Variants in CTNNA3 observed in about 807,000 individuals in gnomAD.
CTNNA3 encodes the protein catenin alpha-3.
Under a neutral mutation model 95.7 loss-of-function variants are expected in CTNNA3, and 76 were observed. The ratio of observed to expected loss-of-function variants is 0.79; its 90% CI spans 0.66 to 0.96. The LOEUF is 0.96. Ranked by LOEUF, CTNNA3 falls within the 40% of genes least tolerant of loss-of-function variation. The probability of loss-of-function intolerance (pLI) is 0.00; values close to 1 mark genes in which losing one functional copy is unlikely to be tolerated. For missense variants in CTNNA3, 1,191 were observed against 1,089.8 expected (o/e 1.09, Z -1.31); for synonymous variants, 431 against 374.4 (o/e 1.15, Z -1.74).
At chr10:67,512,962 A>G (rs1168266241) in intron 5 of CTNNA3, among the ~76,000 whole-genome samples, 5 of 152,300 alleles carry the variant, frequency 3.3e-5, no homozygotes, top group Non-Finnish European at 5.9e-5. Context: ...CCAGCCTGGC[A>G]ACAGAGCGAG....
chr10:67,450,505 T>C (rs1846937634), intron 5 of CTNNA3, among the ~76,000 whole-genome samples: 1 of 152,180 alleles, frequency 6.6e-6, no homozygotes, highest in South Asian at 2.1e-4. Flanking sequence ...CTGGAGGCCA[T>C]TATCCTTAGC....
At chr10:67,512,996 T>A (rs1186355954) in intron 5 of CTNNA3, among the ~76,000 whole-genome samples, 1 of 152,134 alleles carries the variant, frequency 6.6e-6, no homozygotes, top group East Asian at 1.9e-4. Context: ...AATAAATAAA[T>A]AAATATTTAA....
rs61868375 is a variant in CTNNA3, at chr10:66,200,092, T to G, written c.1884+80378A>C. Among the ~76,000 whole-genome samples, 906 of 151,626 alleles carry G rather than the reference T, an allele frequency of 6.0e-3. 7 individuals are homozygous for G. The highest frequency in any genetic ancestry group is 0.016 in the South Asian group (78 of 4,800). On this transcript the variant is annotated intron_variant, in intron 13 of 17. Coordinates refer to ENST00000433211, the MANE Select transcript of CTNNA3 (RefSeq NM_013266.4). ...AAAGAAGCACATGTATGTACACACA[T>G]GTATGTATGCACGCATACACACGCA...
chr10:67,488,080 C>G lies in CTNNA3; in HGVS notation c.579+33762G>C, dbSNP rs940451249. Among the ~76,000 whole-genome samples the G allele has an allele frequency of 1.8e-4, 27 of 152,208 alleles. 2 individuals are homozygous for G. The South Asian group carries it at 1.9e-3, about 11-fold the overall frequency. On this transcript the variant is annotated intron_variant, in intron 5 of 17. Coordinates refer to ENST00000433211, the MANE Select transcript of CTNNA3 (RefSeq NM_013266.4). ...GGTAGATGTTAAGAAATCATACATA[C>G]AGAACCTCGTTGAGTTTCGAAATTG... is the stretch of plus-strand genomic sequence containing the variant.
intron 1 of CTNNA3, among the ~76,000 whole-genome samples, chr10:67,721,787 T>G (rs915801500): frequency 1.3e-5 from 2 of 152,224 alleles, no homozygotes; most frequent in Non-Finnish European, 2.9e-5. Context: ...TTCCTCATCT[T>G]CATGGATTTA....
chr10:66,712,781 C>A (rs1848337629), intron 9 of CTNNA3, among the ~76,000 whole-genome samples: 1 of 152,132 alleles, frequency 6.6e-6, no homozygotes, highest in South Asian at 2.1e-4. Flanking sequence ...TACATTTCCT[C>A]TGATACAAAT....
At chr10:66,184,522 T>A (rs899486856) in intron 13 of CTNNA3, among the ~76,000 whole-genome samples, 1 of 152,142 alleles carries the variant, frequency 6.6e-6, no homozygotes, top group African/African-American at 2.4e-5. Context: ...AATAACCAAT[T>A]TTTTTCAGCA....
chr10:67,571,176 C>A (rs1167266345), intron 3 of CTNNA3, among the ~76,000 whole-genome samples: 1 of 152,018 alleles, frequency 6.6e-6, no homozygotes, highest in Admixed American at 6.6e-5. Flanking sequence ...TGAGATAATG[C>A]ACATAAGGCA....
intron 11 of CTNNA3, among the ~76,000 whole-genome samples, chr10:66,482,403 C>T (rs1464131883): frequency 6.6e-6 from 1 of 151,998 alleles, no homozygotes; most frequent in Non-Finnish European, 1.5e-5. Flanking sequence ...AAATAAAATG[C>T]CTCATTTAAT....
chr10:66,662,189 T>G (rs2132445717), intron 9 of CTNNA3, among the ~76,000 whole-genome samples: 1 of 152,282 alleles, frequency 6.6e-6, no homozygotes, highest in South Asian at 2.1e-4. Context: ...GAAAATACAT[T>G]CTACTAAAAT....
At chr10:67,582,804 C>T (rs1200554492) in intron 3 of CTNNA3, among the ~76,000 whole-genome samples, 1 of 152,102 alleles carries the variant, frequency 6.6e-6, no homozygotes, top group African/African-American at 2.4e-5. Context: ...ATCCCTTTAC[C>T]ATTATACAAT....
At chr10:66,100,800 T>A (rs932350088) in intron 14 of CTNNA3, among the ~76,000 whole-genome samples, 4 of 152,196 alleles carry the variant, frequency 2.6e-5, no homozygotes, top group African/African-American at 9.6e-5. Context: ...CCATCGTATA[T>A]AATGTGGAAA....
chr10:66,069,519 C>T (rs768260392), intron 14 of CTNNA3, 30 bp from the exon 15 acceptor site: 5 of 1,538,418 alleles, frequency 3.3e-6, no homozygotes, highest in Non-Finnish European at 4.4e-6. Flanking sequence ...GAGTTAAAAT[C>T]ATTCCACTAT....
intron 7 of CTNNA3, among the ~76,000 whole-genome samples, chr10:66,893,973 A>T (rs1389175524): frequency 1.3e-5 from 2 of 152,150 alleles, no homozygotes; most frequent in Non-Finnish European, 2.9e-5. Context: ...ATGTATTTTT[A>T]AAATTCTCTG....
At chr10:67,055,933 G>A (rs1257985636) in intron 7 of CTNNA3, among the ~76,000 whole-genome samples, 8 of 151,948 alleles carry the variant, frequency 5.3e-5, no homozygotes, top group Non-Finnish European at 1.0e-4. Flanking sequence ...AATATTTTCA[G>A]GTTTTATTTA....
At chr10:66,410,368 T>C (rs2093093306) in intron 11 of CTNNA3, among the ~76,000 whole-genome samples, 1 of 152,184 alleles carries the variant, frequency 6.6e-6, no homozygotes, top group African/African-American at 2.4e-5. Flanking sequence ...CTTTAGTACC[T>C]ACTCAGGCCT....
intron 5 of CTNNA3, among the ~76,000 whole-genome samples, chr10:67,326,096 C>T (rs1006396458): frequency 1.2e-4 from 18 of 151,974 alleles, no homozygotes; most frequent in Admixed American, 1.3e-4. Context: ...TTTCTCTATC[C>T]CTTTATTTTG....
intron 9 of CTNNA3, among the ~76,000 whole-genome samples, chr10:66,654,461 G>A (rs889473872): frequency 6.6e-6 from 1 of 152,046 alleles, no homozygotes; most frequent in African/African-American, 2.4e-5. Context: ...GATAAGTATT[G>A]GAGAGGATGT....
intron 7 of CTNNA3, among the ~76,000 whole-genome samples, chr10:66,873,801 T>TA (rs779388115): frequency 3.3e-5 from 5 of 152,098 alleles, no homozygotes; most frequent in South Asian, 2.1e-4. Context: ...TTCAGGCTAT[T>TA]AAAAATCTAG....
Sources: gnomAD v4.1 joint callset for allele counts (sites outside exome capture counted in the v4.1 genomes callset) on GRCh38, gnomAD v4.1.1 for gene constraint, MANE v1.5 for transcripts, NCBI Gene and HGNC (gene_info 2026-07-23, HGNC 2026-07-21) for gene names.